Variants in PTPRA observed in about 807,000 individuals in gnomAD.
The protein encoded by PTPRA is protein tyrosine phosphatase receptor type A.
PTPRA carries 25 observed loss-of-function variants against 104.8 expected under a neutral mutation model. The ratio of observed to expected loss-of-function variants is 0.24; its 90% CI spans 0.17 to 0.33. The LOEUF is 0.33. Among genes scored for constraint, PTPRA ranks in the 10% least tolerant of loss-of-function variants. The probability of loss-of-function intolerance (pLI) is 1.00; values close to 1 mark genes in which losing one functional copy is unlikely to be tolerated. For synonymous variants in PTPRA, 323 were observed against 368.9 expected, an observed-to-expected ratio of 0.88 and a Z score of 1.43; for missense variants, 765 against 1,015.3, an observed-to-expected ratio of 0.75 and a Z score of 3.35.
At position 3,037,403 on chromosome 20, in the gene PTPRA, C is replaced by T. The variant is rs1387716944; in HGVS notation, c.2334+114C>T. ...GTCAGAAGACTGTCTAAACACAGACCTGCCCTTGCCCTCCCAAGGTGCCCC... is the reference window on the plus strand; with the variant it reads ...GTCAGAAGACTGTCTAAACACAGACTTGCCCTTGCCCTCCCAAGGTGCCCC... On this transcript the variant is annotated intron_variant, in intron 23 of 23. Coordinates refer to ENST00000399903, the MANE Select transcript of PTPRA (RefSeq NM_001385305.1). This position sits in a 1 kb window ranked among gnomAD's most constrained non-coding sequence, Gnocchi z 4.3. The T allele has an allele frequency of 8.1e-6, 12 of 1,478,806 alleles. No individual in the cohort carries two copies. The East Asian group carries it at 2.5e-4, about 31-fold the overall frequency. The allele number at this position is 1,478,806 out of a possible 1,614,324, so 91.6% of individuals were successfully genotyped here.
At chr20:3,027,310 A>C in intron 19 of PTPRA, 113 bp downstream of exon 19, 1 of 1,126,838 alleles carries the variant, frequency 8.9e-7, no homozygotes, top group Non-Finnish European at 1.3e-6. Context: ...ATCAGTCAAC[A>C]AATAGTGAAT....
At chr20:2,896,832 C>T (rs556597334) in intron 1 of PTPRA, among the ~76,000 whole-genome samples, 3 of 152,268 alleles carry the variant, frequency 2.0e-5, no homozygotes, top group African/African-American at 7.2e-5. Context: ...ATTTCTGATT[C>T]AGGGACCATT....
Position 3,022,356 on chromosome 20 carries a change from A to G in PTPRA, c.1328+136A>G. ...CTACTGGGGCACCAGCGCAACAGCC[A>G]GAGACTCCAAGTTCTAGTGCAGGGT... On this transcript the variant is annotated intron_variant, in intron 15 of 23. Transcript: ENST00000399903. The surrounding 1 kb of genome is among the most constrained non-coding windows in gnomAD (Gnocchi z 4.6). The G allele has an allele frequency of 1.0e-5, 12 of 1,144,384 alleles. No individual in the cohort carries two copies. The highest frequency in any genetic ancestry group is 1.5e-5 in the Non-Finnish European group (12 of 806,230). The allele number at this position is 1,144,384 out of a possible 1,614,324, so 70.9% of individuals were successfully genotyped here. A position where few individuals can be genotyped will look rare whatever the true frequency, so the allele number is the denominator to read the frequency against.
intron 9 of PTPRA, among the ~76,000 whole-genome samples, chr20:2,990,134 T>G (rs938525423): frequency 2.8e-4 from 42 of 152,216 alleles, no homozygotes; most frequent in Non-Finnish European, 1.5e-5. Flanking sequence ...GCTAGTAGAT[T>G]GACCTAATGT....
At chr20:2,909,313 G>T (rs953334004) in intron 1 of PTPRA, among the ~76,000 whole-genome samples, 1 of 151,890 alleles carries the variant, frequency 6.6e-6, no homozygotes, top group African/African-American at 2.4e-5. Context: ...AACAAAACAG[G>T]CCTGGTGCGG....
chr20:2,948,841 G>A (rs568091342), intron 3 of PTPRA, among the ~76,000 whole-genome samples: 8 of 151,966 alleles, frequency 5.3e-5, no homozygotes, highest in African/African-American at 7.3e-5. Context: ...AGTCCCAGCT[G>A]CTGGGGAGGC....
chr20:2,884,884 A>G (rs1017757680), intron 1 of PTPRA, among the ~76,000 whole-genome samples: 2 of 148,272 alleles, frequency 1.3e-5, no homozygotes, highest in African/African-American at 5.0e-5. Context: ...ATTTTGGCTC[A>G]CTGCAAGCTC....
At chr20:2,880,026 G>A (rs936481683) in intron 1 of PTPRA, among the ~76,000 whole-genome samples, 5 of 152,166 alleles carry the variant, frequency 3.3e-5, no homozygotes, top group African/African-American at 1.2e-4. Context: ...TAGAGACTAA[G>A]GACAGTGTTG....
chr20:2,993,564 A>T (rs772678860), intron 9 of PTPRA, among the ~76,000 whole-genome samples: 1 of 152,256 alleles, frequency 6.6e-6, no homozygotes, highest in Non-Finnish European at 1.5e-5. Flanking sequence ...CTTAAAAAGA[A>T]CACACACTTA....
intron 1 of PTPRA, among the ~76,000 whole-genome samples, chr20:2,910,640 G>A (rs1462064648): frequency 9.0e-6 from 1 of 110,766 alleles, no homozygotes; most frequent in Non-Finnish European, 1.7e-5. Context: ...ACGGAGTCTC[G>A]CTGTCACCCA....
At chr20:2,867,234 T>C in the PTPRA span, among the ~76,000 whole-genome samples, 2 of 152,124 alleles carry the variant, frequency 1.3e-5, no homozygotes, top group South Asian at 4.1e-4. Flanking sequence ...AGGCCCCAAT[T>C]TGCACTGCAG....
At chr20:2,984,767 T>C (rs1440056367) in intron 6 of PTPRA, among the ~76,000 whole-genome samples, 1 of 152,222 alleles carries the variant, frequency 6.6e-6, no homozygotes, top group Non-Finnish European at 1.5e-5. Context: ...TTCTTGAACC[T>C]GCCAAGCTCC....
In PTPRA at chr20:3,021,317, C is replaced by T. The variant is rs778195981; in HGVS notation, c.1050C>T (p.Cys350=). The part of the protein sequence containing the change: ...TNLKERKECK[C]AQYWPDQGCW... Reference sequence around the variant, plus strand: ...TGTCTTTTTCTTTCCAGTGCAAGTGCGCCCAGTACTGGCCAGACCAAGGCT... The same window carrying T: ...TGTCTTTTTCTTTCCAGTGCAAGTGTGCCCAGTACTGGCCAGACCAAGGCT... The change falls in exon 14 of 24, where the codon TGC becomes TGT. Residue 350 remains cysteine, a synonymous_variant. Transcript: ENST00000399903. 1.4e-5 allele frequency: 23 copies of T among 1,613,882 alleles called. No individual in the cohort carries two copies. Among genetic ancestry groups the T allele is most frequent in the Admixed American group, 3.3e-5 (2 of 59,990 alleles).
chr20:3,033,854 C>G (rs572245472), intron 20 of PTPRA, among the ~76,000 whole-genome samples: 1 of 147,064 alleles, frequency 6.8e-6, no homozygotes, highest in African/African-American at 2.5e-5. Flanking sequence ...GAGCCAAGAT[C>G]GCGCCATTGC....
At chr20:2,988,772 A>T (rs1198145963) in intron 9 of PTPRA, among the ~76,000 whole-genome samples, 1 of 152,230 alleles carries the variant, frequency 6.6e-6, no homozygotes, top group Non-Finnish European at 1.5e-5. Flanking sequence ...GTTGCCAGTG[A>T]TATGATGAGG....
chr20:3,004,039 A>G (rs1403442848), intron 9 of PTPRA, among the ~76,000 whole-genome samples: 1 of 152,212 alleles, frequency 6.6e-6, no homozygotes, highest in African/African-American at 2.4e-5. Context: ...TATTTTTGAG[A>G]CGGAGTCTCG....
chr20:3,033,688 G>A (rs1159240389), intron 20 of PTPRA, among the ~76,000 whole-genome samples: 34 of 151,964 alleles, frequency 2.2e-4, no homozygotes, highest in African/African-American at 7.7e-4. Context: ...GATCACCTGA[G>A]GTCGGGAGTT....
chr20:2,989,439 CAA>C lies in PTPRA; in HGVS notation c.738+966_738+967del, dbSNP rs1306893613. Among the ~76,000 whole-genome samples, 5 of 152,036 alleles carry C rather than the reference CAA, an allele frequency of 3.3e-5. No individual in the cohort carries two copies. The East Asian group carries it at 5.8e-4, about 18-fold the overall frequency. ...AGAGCGAGACTCCATCTCAAAAAAA[CAA>C]GAGCTTCCTCGAATAAATGATATTT... On this transcript the variant is annotated intron_variant, in intron 9 of 23. Coordinates refer to ENST00000399903, the MANE Select transcript of PTPRA (RefSeq NM_001385305.1).
chr20:3,017,807 C>T lies in PTPRA; in HGVS notation c.944-9C>T. On this transcript the variant is annotated splice_polypyrimidine_tract_variant and intron_variant, in intron 12 of 23. Transcript: ENST00000399903. ...ATATTCTCTTCATTTTTGCTGTTGG[C>T]TACTTTAGGACCAAAAGAAGAAACG... 1 of 1,612,928 alleles carries T rather than the reference C, an allele frequency of 6.2e-7. No individual in the cohort carries two copies. Among genetic ancestry groups the T allele is most frequent in the Non-Finnish European group, 8.5e-7 (1 of 1,178,980 alleles).
Sources: gnomAD v4.1 joint callset for allele counts (sites outside exome capture counted in the v4.1 genomes callset) on GRCh38, gnomAD v4.1.1 for gene constraint, Gnocchi (gnomAD v3.1) non-coding constraint, MANE v1.5 for transcripts, NCBI Gene and HGNC (gene_info 2026-07-23, HGNC 2026-07-21) for gene names.